Variants in HOMER1 observed in about 807,000 individuals in gnomAD.
The protein encoded by HOMER1 is homer scaffold protein 1.
In HOMER1, 3 loss-of-function variants were observed where a neutral mutation model predicts 48.9. That is an observed-to-expected ratio of 0.06 (90% CI 0.03 to 0.16). HOMER1 has a LOEUF of 0.16. Among genes scored for constraint, HOMER1 ranks in the 10% least tolerant of loss-of-function variants. The pLI is 1.00. For synonymous variants in HOMER1, 134 were observed against 146.4 expected (o/e 0.92, Z 0.61); for missense variants, 247 against 411.4 (o/e 0.60, Z 3.46).
intron 1 of HOMER1, among the ~76,000 whole-genome samples, chr5:79,496,730 C>T (rs947922814): frequency 3.9e-5 from 6 of 151,932 alleles, no homozygotes; most frequent in Non-Finnish European, 2.9e-5. Flanking sequence ...AGAAACTAAA[C>T]GAACAAGAAA....
At chr5:79,436,086 A>C (rs1750574071) in intron 5 of HOMER1, among the ~76,000 whole-genome samples, 1 of 151,376 alleles carries the variant, frequency 6.6e-6, no homozygotes, top group Non-Finnish European at 1.5e-5. Context: ...AGATTGCGCC[A>C]CTGCAGTCCG....
chr5:79,471,244 T>G (rs1289455112), intron 1 of HOMER1, among the ~76,000 whole-genome samples: 1 of 152,090 alleles, frequency 6.6e-6, no homozygotes, highest in Non-Finnish European at 1.5e-5. Context: ...TACAAAGTCC[T>G]TAAAATGGCC....
chr5:79,497,944 C>T (rs1485780791), intron 1 of HOMER1, among the ~76,000 whole-genome samples: 1 of 152,166 alleles, frequency 6.6e-6, no homozygotes, highest in Non-Finnish European at 1.5e-5. Context: ...CCCACTGCAT[C>T]AAAAACTCTG....
chr5:79,435,474 G>C (rs1259855571), intron 5 of HOMER1, among the ~76,000 whole-genome samples: 2 of 152,160 alleles, frequency 1.3e-5, no homozygotes, highest in Non-Finnish European at 2.9e-5. Flanking sequence ...AACTAAAACA[G>C]AAATACTGGC....
At chr5:79,440,849 A>G (rs1750717816) in intron 4 of HOMER1, among the ~76,000 whole-genome samples, 1 of 152,224 alleles carries the variant, frequency 6.6e-6, no homozygotes, top group Admixed American at 6.5e-5. Flanking sequence ...TGAAGATTCA[A>G]TTCAGTAGAA....
chr5:79,402,725 T>C (rs1749563493), intron 5 of HOMER1, among the ~76,000 whole-genome samples: 1 of 152,230 alleles, frequency 6.6e-6, no homozygotes, highest in African/African-American at 2.4e-5. Context: ...TATTACATTT[T>C]TTACGTGTGT....
intron 1 of HOMER1, among the ~76,000 whole-genome samples, chr5:79,484,000 C>T (rs1752022778): frequency 7.5e-6 from 1 of 133,966 alleles, no homozygotes; most frequent in Non-Finnish European, 1.5e-5. Flanking sequence ...GAGCCAAGAT[C>T]ATGCCACTGC....
At chr5:79,421,965 A>G (rs2112248161) in intron 5 of HOMER1, among the ~76,000 whole-genome samples, 1 of 152,148 alleles carries the variant, frequency 6.6e-6, no homozygotes, top group South Asian at 2.1e-4. Context: ...AGTGGCTCAC[A>G]CCTCTAATCC....
chr5:79,442,530 G>A (rs1384243112), intron 4 of HOMER1, among the ~76,000 whole-genome samples: 3 of 152,194 alleles, frequency 2.0e-5, no homozygotes, highest in Non-Finnish European at 4.4e-5. Flanking sequence ...GAGGTACGCA[G>A]CAGCACTGCC....
intron 8 of HOMER1, among the ~76,000 whole-genome samples, chr5:79,378,210 A>AAG (rs1748825043): frequency 8.1e-6 from 1 of 122,710 alleles, no homozygotes; most frequent in African/African-American, 3.7e-5. Flanking sequence ...GTGACAGAGT[A>AAG]AGACTCTGTC....
intron 1 of HOMER1, among the ~76,000 whole-genome samples, chr5:79,507,235 ACC>A (rs1174004468): frequency 4.9e-4 from 69 of 141,912 alleles, no homozygotes; most frequent in African/African-American, 1.3e-3. Context: ...AAAAAAAAAA[ACC>A]AAAACAAAAA....
intron 1 of HOMER1, among the ~76,000 whole-genome samples, chr5:79,486,041 G>C (rs1752090964): frequency 6.6e-6 from 1 of 152,118 alleles, no homozygotes; most frequent in Non-Finnish European, 1.5e-5. Context: ...CTCACTCTTA[G>C]AACCCAGCCA....
intron 1 of HOMER1, chr5:79,510,750 T>C (rs906051451): frequency 1.3e-6 from 1 of 770,190 alleles, no homozygotes; most frequent in South Asian, 1.4e-5. Context: ...TTGGGAAGCA[T>C]GCTCGTGCCC....
At chr5:79,383,085 C>T (rs1749023179) in intron 8 of HOMER1, among the ~76,000 whole-genome samples, 1 of 152,060 alleles carries the variant, frequency 6.6e-6, no homozygotes, top group Non-Finnish European at 1.5e-5. Context: ...AGTAGCTATA[C>T]CTATATCAGA....
intron 1 of HOMER1, among the ~76,000 whole-genome samples, chr5:79,494,221 T>C (rs1021207826): frequency 6.6e-6 from 1 of 152,182 alleles, no homozygotes; most frequent in African/African-American, 2.4e-5. Context: ...AACCAAAAAT[T>C]ACACATTCTG....
rs1188649365 is a variant in HOMER1, at chr5:79,497,082, G to GGAAA, written c.5+15684_5+15687dup. 1.6e-4 allele frequency among the ~76,000 whole-genome samples: 20 copies of GGAAA among 123,880 alleles called. No individual in the cohort carries two copies. The South Asian group carries it at 3.3e-3, about 20-fold the overall frequency. The allele number at this position is 123,880 out of a possible 152,430, so 81.3% of individuals were successfully genotyped here. ...CTCAAAAAAAAAAAAAAAAAAAAAAGGAAAGAAAGAAAGAAAGAAACATGT... is the reference window on the plus strand; with the variant it reads ...CTCAAAAAAAAAAAAAAAAAAAAAAGGAAAGAAAGAAAGAAAGAAAGAAACATGT... On this transcript the variant is annotated intron_variant, in intron 1 of 8. Coordinates refer to ENST00000334082, the MANE Select transcript of HOMER1 (RefSeq NM_004272.5).
intron 1 of HOMER1, among the ~76,000 whole-genome samples, chr5:79,462,343 T>C (rs753343325): frequency 2.6e-5 from 4 of 152,144 alleles, no homozygotes; most frequent in Non-Finnish European, 4.4e-5. Flanking sequence ...CTTACTGGAG[T>C]ATTTTTCTGT....
chr5:79,422,799 G>A (rs193122340), intron 5 of HOMER1, among the ~76,000 whole-genome samples: 1 of 148,792 alleles, frequency 6.7e-6, no homozygotes, highest in Admixed American at 6.7e-5. Context: ...TAATATTGCT[G>A]AATAAATGGA....
chr5:79,404,799 G>C (rs1477209842), intron 5 of HOMER1, among the ~76,000 whole-genome samples: 4 of 151,868 alleles, frequency 2.6e-5, no homozygotes, highest in African/African-American at 9.7e-5. Context: ...CGCCTTCCAG[G>C]TTCAAGCGAT....
Sources: allele counts gnomAD v4.1 joint callset (sites outside exome capture counted in the v4.1 genomes callset), GRCh38; gene constraint gnomAD v4.1.1; transcripts MANE v1.5; gene names NCBI Gene and HGNC (gene_info 2026-07-23, HGNC 2026-07-21).